PBX1: variants seen among roughly 807,000 people sequenced by gnomAD.
PBX1 encodes the protein pre-B-cell leukemia transcription factor 1.
A neutral mutation model predicts 53.4 loss-of-function variants in PBX1; 6 were observed. The ratio of observed to expected loss-of-function variants is 0.11; its 90% CI spans 0.06 to 0.22. PBX1 has a LOEUF of 0.22. Ranked by LOEUF, PBX1 falls within the 10% of genes least tolerant of loss-of-function variation. PBX1 has a pLI of 1.00. For missense variants in PBX1, 251 were observed against 551.4 expected (o/e 0.46, Z 5.46); for synonymous variants, 204 against 212.3 (o/e 0.96, Z 0.34).
intron 2 of PBX1, among the ~76,000 whole-genome samples, chr1:164,625,379 CT>C (rs2101864655): frequency 1.3e-5 from 2 of 152,206 alleles, no homozygotes; most frequent in South Asian, 4.1e-4. Flanking sequence ...TTTTTCTCGG[CT>C]GTTCTTCCTG....
intron 2 of PBX1, among the ~76,000 whole-genome samples, chr1:164,715,961 T>A: frequency 6.6e-6 from 1 of 152,164 alleles, no homozygotes; most frequent in East Asian, 1.9e-4. Context: ...AAAGCAGCCA[T>A]TCAGAGAGGT....
intron 2 of PBX1, among the ~76,000 whole-genome samples, chr1:164,778,569 C>G (rs1045153237): frequency 6.7e-6 from 1 of 150,102 alleles, no homozygotes; most frequent in Non-Finnish European, 1.5e-5. Flanking sequence ...CGTGGGAGGT[C>G]GAGGCTGCAA....
intron 6 of PBX1, chr1:164,819,038 A>G (rs1670013225): frequency 6.6e-6 from 1 of 152,228 alleles, no homozygotes; most frequent in South Asian, 2.1e-4. Flanking sequence ...CTGGGTCCCT[A>G]AGGTCTTTCC....
chr1:164,810,689 A>G (rs2102342826), intron 5 of PBX1, among the ~76,000 whole-genome samples: 1 of 152,370 alleles, frequency 6.6e-6, no homozygotes, highest in South Asian at 2.1e-4. Context: ...CAAGAAAAAC[A>G]TAAATTTCAA....
intron 2 of PBX1, among the ~76,000 whole-genome samples, chr1:164,870,350 T>TTTC (rs1672350510): frequency 2.0e-5 from 2 of 100,820 alleles, no homozygotes; most frequent in South Asian, 3.5e-4. Flanking sequence ...TCTTTCTTTC[T>TTTC]TTCTTTCTTT....
At chr1:164,775,071 C>T (rs1246824658) in intron 2 of PBX1, among the ~76,000 whole-genome samples, 3 of 152,304 alleles carry the variant, frequency 2.0e-5, no homozygotes, top group Admixed American at 6.5e-5. Context: ...ACCGAGGAAG[C>T]TCGCTTAGGG....
chr1:164,629,227 A>G (rs558881515), intron 2 of PBX1, among the ~76,000 whole-genome samples: 6 of 151,790 alleles, frequency 4.0e-5, no homozygotes, highest in Non-Finnish European at 5.9e-5. Context: ...ATGATCTAAA[A>G]TTGAAAAAAA....
At chr1:164,649,036 G>T (rs1038389333) in intron 2 of PBX1, among the ~76,000 whole-genome samples, 9 of 152,200 alleles carry the variant, frequency 5.9e-5, no homozygotes, top group African/African-American at 1.9e-4. Flanking sequence ...CACCTCTGTG[G>T]GGTTACTTTG....
chr1:164,591,004 T>C (rs76168181), intron 2 of PBX1, among the ~76,000 whole-genome samples: 19,158 of 143,792 alleles, frequency 0.13, 1,759 homozygotes, highest in East Asian at 0.44. Flanking sequence ...GCCACCACAC[T>C]TGGCTAATTT....
chr1:164,697,555 T>C (rs540938217), intron 2 of PBX1, among the ~76,000 whole-genome samples: 31 of 152,258 alleles, frequency 2.0e-4, no homozygotes, highest in Admixed American at 5.2e-4. Flanking sequence ...TACCTATGTA[T>C]TTTTGCATTC....
intron 6 of PBX1, 58 bp from the exon 7 acceptor site, chr1:164,820,014 T>A (rs1670075146): frequency 1.0e-6 from 1 of 976,728 alleles, no homozygotes. Context: ...GGCTGTTAGT[T>A]GCGGGGTTTG....
At chr1:164,614,385 A>T (rs1657132528) in intron 2 of PBX1, among the ~76,000 whole-genome samples, 1 of 151,926 alleles carries the variant, frequency 6.6e-6, no homozygotes, top group Non-Finnish European at 1.5e-5. Flanking sequence ...CTGCCGTCTG[A>T]ATTTCTGGTT....
intron 8 of PBX1, among the ~76,000 whole-genome samples, chr1:164,833,905 T>C (rs1169606054): frequency 6.7e-6 from 1 of 150,240 alleles, no homozygotes; most frequent in East Asian, 2.0e-4. Context: ...TTTTTTTTTC[T>C]GTTTACCACA....
intron 2 of PBX1, among the ~76,000 whole-genome samples, chr1:164,676,230 G>C (rs191964060): frequency 3.3e-5 from 5 of 152,100 alleles, no homozygotes; most frequent in African/African-American, 1.2e-4. Flanking sequence ...CAGACCAAGT[G>C]CCTGGGCTTC....
At chr1:164,699,509 G>C (rs6658443) in intron 2 of PBX1, among the ~76,000 whole-genome samples, 3 of 152,032 alleles carry the variant, frequency 2.0e-5, no homozygotes, top group South Asian at 4.1e-4. Context: ...TCACTCTACC[G>C]CATGAACAGG....
chr1:164,785,436 C>T (rs1668126296), intron 2 of PBX1, among the ~76,000 whole-genome samples: 1 of 152,180 alleles, frequency 6.6e-6, no homozygotes, highest in Non-Finnish European at 1.5e-5. Flanking sequence ...TATTTTTCAA[C>T]TTGAGGAGGT....
At chr1:164,716,488 C>T (rs528521888) in intron 2 of PBX1, among the ~76,000 whole-genome samples, 6 of 152,094 alleles carry the variant, frequency 3.9e-5, no homozygotes, top group African/African-American at 4.8e-5. Flanking sequence ...GATGGCAGTG[C>T]GGCCTTGAGA....
At chr1:164,679,226 C>T (rs764754469) in intron 2 of PBX1, among the ~76,000 whole-genome samples, 2 of 152,158 alleles carry the variant, frequency 1.3e-5, no homozygotes, top group Non-Finnish European at 2.9e-5. Context: ...AAAGAAGAGT[C>T]ACCAGGCAGG....
At position 164,848,761 on chromosome 1, in the gene PBX1, G is replaced by A. The variant is rs1044642876; in HGVS notation, c.*2085G>A. ...TCCAGGGAGAAGTATGAGACCCTGA[G>A]GGGTGAGAATGGGCAGCTAGCAAGA... On this transcript the variant is annotated 3_prime_UTR_variant, in exon 9 of 9. Transcript: ENST00000420696. 1.5e-5 allele frequency: 16 copies of A among 1,060,480 alleles called. No individual in the cohort carries two copies. The highest frequency in any genetic ancestry group is 5.1e-5 in the East Asian group (1 of 19,478). The allele number at this position is 1,060,480 out of a possible 1,614,324, so 65.7% of individuals were successfully genotyped here.
Sources: gnomAD v4.1 joint callset for allele counts (sites outside exome capture counted in the v4.1 genomes callset) on GRCh38, gnomAD v4.1.1 for gene constraint, MANE v1.5 for transcripts, NCBI Gene and HGNC (gene_info 2026-07-23, HGNC 2026-07-21) for gene names.